The following EYA3 variants were observed in gnomAD, a reference collection of about 807,000 sequenced individuals.
EYA3 encodes protein phosphatase EYA3.
In EYA3, 39 loss-of-function variants were observed where a neutral mutation model predicts 80.0. That is an observed-to-expected ratio of 0.49 (90% CI 0.38 to 0.64). The LOEUF (loss-of-function observed/expected upper bound fraction) is 0.64, where lower values mean the gene tolerates loss of function less well. Ranked by LOEUF, EYA3 falls within the 30% of genes least tolerant of loss-of-function variation. EYA3 has a pLI of 0.00. For synonymous variants in EYA3, 206 were observed against 232.8 expected (o/e 0.88, Z 1.05); for missense variants, 523 against 676.1 (o/e 0.77, Z 2.51).
intron 1 of EYA3, among the ~76,000 whole-genome samples, chr1:28,070,601 C>A (rs898225885): frequency 3.0e-4 from 45 of 150,012 alleles, no homozygotes; most frequent in African/African-American, 1.0e-3. Context: ...TAAGAGAACA[C>A]AACTGTACAT....
intron 1 of EYA3, among the ~76,000 whole-genome samples, chr1:28,075,417 T>C (rs1645166172): frequency 6.6e-6 from 1 of 152,200 alleles, no homozygotes; most frequent in Non-Finnish European, 1.5e-5. Flanking sequence ...AAAGGTTGTT[T>C]GTACTAAGTG....
intron 2 of EYA3, among the ~76,000 whole-genome samples, chr1:28,051,450 G>A (rs1168313003): frequency 1.3e-5 from 2 of 152,186 alleles, no homozygotes; most frequent in African/African-American, 2.4e-5. Flanking sequence ...CACTTTGGGA[G>A]GCCAAGGCAG....
At chr1:27,993,914 G>A (rs1640243843) in intron 13 of EYA3, among the ~76,000 whole-genome samples, 1 of 152,154 alleles carries the variant, frequency 6.6e-6, no homozygotes, top group Non-Finnish European at 1.5e-5. Context: ...TACACACACA[G>A]TGATTGCAAC....
intron 16 of EYA3, among the ~76,000 whole-genome samples, chr1:27,987,094 A>G (rs1487763839): frequency 6.6e-6 from 1 of 152,134 alleles, no homozygotes; most frequent in Non-Finnish European, 1.5e-5. Flanking sequence ...GCAACTCTAT[A>G]CCCGTTGAAC....
At chr1:28,048,454 A>G (rs1157745978) in intron 2 of EYA3, 28 bp from the exon 3 acceptor site, 2 of 1,583,166 alleles carry the variant, frequency 1.3e-6, no homozygotes. Flanking sequence ...CAAAGGTATC[A>G]ATGTACTTGA....
chr1:28,059,266 C>T (rs1370024788), intron 1 of EYA3, among the ~76,000 whole-genome samples: 1 of 152,130 alleles, frequency 6.6e-6, no homozygotes, highest in Non-Finnish European at 1.5e-5. Context: ...AGCTTTATTC[C>T]CTACCCCAAT....
At chr1:27,989,909 C>G (rs1639917998) in intron 14 of EYA3, 98 bp from the exon 15 acceptor site, 1 of 594,230 alleles carries the variant, frequency 1.7e-6, no homozygotes, top group Non-Finnish European at 2.9e-6. Context: ...GTGTGAGTCA[C>G]TGAAATATTC....
chr1:27,998,447 T>A, intron 12 of EYA3: 1 of 310,636 alleles, frequency 3.2e-6, no homozygotes, highest in Non-Finnish European at 4.7e-6. Flanking sequence ...TGTCCTAATT[T>A]ATCAACATAT....
In EYA3 at chr1:27,995,421, G is replaced by GAAA. The variant is rs55902170; in HGVS notation, c.1143-1864_1143-1862dup. Among the ~76,000 whole-genome samples the GAAA allele has an allele frequency of 1.4e-4, 11 of 79,194 alleles. 1 individual carries two copies. Among genetic ancestry groups the GAAA allele is most frequent in the Admixed American group, 1.4e-4 (1 of 7,236 alleles). The allele number at this position is 79,194 out of a possible 152,430, so 52.0% of individuals were successfully genotyped here. ...CCAGAGCGAGACCCTATCTTAAAAG[G>GAAA]AAAAAAAAAAAAAAAAAAAAGACAA... On this transcript the variant is annotated intron_variant, in intron 13 of 17. Coordinates refer to ENST00000373871, the MANE Select transcript of EYA3 (RefSeq NM_001990.4).
chr1:28,005,174 G>A (rs1641178502), intron 10 of EYA3, among the ~76,000 whole-genome samples: 1 of 152,174 alleles, frequency 6.6e-6, no homozygotes, highest in African/African-American at 2.4e-5. Flanking sequence ...TATAACTAGA[G>A]TAAGGAGATT....
At chr1:28,031,313 G>A (rs1349755400) in intron 6 of EYA3, among the ~76,000 whole-genome samples, 1 of 152,188 alleles carries the variant, frequency 6.6e-6, no homozygotes, top group East Asian at 1.9e-4. Flanking sequence ...TAGGCAGCAT[G>A]ATCCAATGGT....
intron 8 of EYA3, among the ~76,000 whole-genome samples, chr1:28,015,032 C>A (rs1336808616): frequency 6.6e-6 from 1 of 152,104 alleles, no homozygotes; most frequent in African/African-American, 2.4e-5. Flanking sequence ...TGTATTTGTG[C>A]ATGGGCAGAA....
intron 10 of EYA3, chr1:28,010,679 A>T: frequency 5.9e-6 from 2 of 340,228 alleles, no homozygotes; most frequent in Non-Finnish European, 1.1e-5. Context: ...CCCTTTTAAA[A>T]TTTTAAATAG....
intron 16 of EYA3, among the ~76,000 whole-genome samples, chr1:27,983,622 CTT>C (rs373287532): frequency 1.1e-3 from 169 of 152,280 alleles, no homozygotes; most frequent in African/African-American, 4.0e-3. Flanking sequence ...AAAATTGTCT[CTT>C]GCTTACTGAT....
At chr1:28,017,069 TTAGA>T in intron 8 of EYA3, 81 bp downstream of exon 8, 2 of 1,204,666 alleles carry the variant, frequency 1.7e-6, no homozygotes, top group Non-Finnish European at 2.4e-6. Context: ...TGGTTGTTTC[TTAGA>T]TAGGCAAATT....
At chr1:28,061,889 G>A (rs768711623) in intron 1 of EYA3, among the ~76,000 whole-genome samples, 4 of 150,018 alleles carry the variant, frequency 2.7e-5, no homozygotes, top group Non-Finnish European at 3.0e-5. Flanking sequence ...GTGAGCCACC[G>A]CGCCCGGTCA....
At chr1:28,024,845 G>A (rs1642678811) in intron 7 of EYA3, among the ~76,000 whole-genome samples, 1 of 152,110 alleles carries the variant, frequency 6.6e-6, no homozygotes, top group Admixed American at 6.6e-5. Flanking sequence ...ACATTTTTAT[G>A]AGCAAACAAA....
rs1557614875 is a variant in EYA3, at chr1:28,048,432, A to C, written c.34-6T>G. The C allele has an allele frequency of 1.2e-6, 2 of 1,610,364 alleles. No individual in the cohort carries two copies. The highest frequency in any genetic ancestry group is 1.7e-6 in the Non-Finnish European group (2 of 1,177,354). On this transcript the variant is annotated splice_polypyrimidine_tract_variant and splice_region_variant and intron_variant, in intron 2 of 17. Transcript: ENST00000373871. Reference sequence around the variant, plus strand: ...TGCATCTTGGCTTTTTTCACCTGCAAAAATAAATATACAAAGGTATCAATG... The same window carrying C: ...TGCATCTTGGCTTTTTTCACCTGCACAAATAAATATACAAAGGTATCAATG...
At position 28,077,257 on chromosome 1, in the gene EYA3, C is replaced by T. The variant is rs907940749; in HGVS notation, c.-69+11267G>A. Among the ~76,000 whole-genome samples the T allele has an allele frequency of 2.6e-5, 4 of 151,924 alleles. No individual in the cohort carries two copies. The East Asian group carries it at 7.8e-4, about 29-fold the overall frequency. On this transcript the variant is annotated intron_variant, in intron 1 of 17. Transcript: ENST00000373871. ...TAGCTGGGATTACAGGTGTGCATGA[C>T]CATACCCAGCTAAGTTTTTTGTATT...
Sources: allele counts gnomAD v4.1 joint callset (sites outside exome capture counted in the v4.1 genomes callset), GRCh38; gene constraint gnomAD v4.1.1; transcripts MANE v1.5; gene names NCBI Gene and HGNC (gene_info 2026-07-23, HGNC 2026-07-21).